The following ASH1L variants were observed in gnomAD, a reference collection of about 807,000 sequenced individuals.
The protein encoded by ASH1L is histone-lysine N-methyltransferase ASH1L.
In ASH1L, 23 loss-of-function variants were observed where a neutral mutation model predicts 269.0. That is an observed-to-expected ratio of 0.09 (90% CI 0.06 to 0.12). The LOEUF (loss-of-function observed/expected upper bound fraction) is 0.12, where lower values mean the gene tolerates loss of function less well. Ranked by LOEUF, ASH1L falls within the 10% of genes least tolerant of loss-of-function variation. The pLI is 1.00. For synonymous variants in ASH1L, 1,187 were observed against 1,253.5 expected, an observed-to-expected ratio of 0.95 and a Z score of 1.12; for missense variants, 2,912 against 3,567.8, an observed-to-expected ratio of 0.82 and a Z score of 4.68.
chr1:155,399,413 C>T (rs946581687), intron 6 of ASH1L, among the ~76,000 whole-genome samples: 6 of 152,070 alleles, frequency 3.9e-5, no homozygotes, highest in African/African-American at 9.7e-5. Context: ...GAAGTAGGGG[C>T]GGGCAGATTA....
At chr1:155,456,678 C>A (rs1242824333) in intron 4 of ASH1L, among the ~76,000 whole-genome samples, 1 of 152,018 alleles carries the variant, frequency 6.6e-6, no homozygotes, top group Non-Finnish European at 1.5e-5. Flanking sequence ...AAGTATAAAC[C>A]ACTGCTTCTA....
chr1:155,440,813 T>G (rs1056690837), intron 4 of ASH1L, among the ~76,000 whole-genome samples: 1 of 152,182 alleles, frequency 6.6e-6, no homozygotes, highest in African/African-American at 2.4e-5. Flanking sequence ...TTCACAGATT[T>G]CTCAAACTCA....
At chr1:155,451,436 T>G (rs1256324127) in intron 4 of ASH1L, among the ~76,000 whole-genome samples, 4 of 152,066 alleles carry the variant, frequency 2.6e-5, no homozygotes, top group African/African-American at 9.7e-5. Flanking sequence ...TAAATGTACT[T>G]AACACTAGTG....
intron 7 of ASH1L, among the ~76,000 whole-genome samples, chr1:155,395,215 G>A (rs920853134): frequency 1.3e-5 from 2 of 152,154 alleles, no homozygotes; most frequent in African/African-American, 4.8e-5. Flanking sequence ...TTATAGGCAT[G>A]AGCCACCATG....
intron 2 of ASH1L, among the ~76,000 whole-genome samples, chr1:155,503,043 G>T (rs961899938): frequency 2.6e-5 from 4 of 152,100 alleles, no homozygotes; most frequent in African/African-American, 9.7e-5. Flanking sequence ...ATCTGCTTTT[G>T]ATCTCCTCAG....
At chr1:155,352,372 G>A (rs1360024838) in intron 17 of ASH1L, among the ~76,000 whole-genome samples, 1 of 150,474 alleles carries the variant, frequency 6.6e-6, no homozygotes, top group Admixed American at 6.6e-5. Context: ...TGGAATAGGT[G>A]CCTCAAAATT....
chr1:155,441,541 C>A (rs1437245814), intron 4 of ASH1L, among the ~76,000 whole-genome samples: 1 of 135,860 alleles, frequency 7.4e-6, no homozygotes, highest in Non-Finnish European at 1.5e-5. Context: ...TGGCTCACTG[C>A]AAGCTCCACC....
chr1:155,450,963 T>C (rs1663417399), intron 4 of ASH1L, among the ~76,000 whole-genome samples: 2 of 151,954 alleles, frequency 1.3e-5, no homozygotes, highest in Non-Finnish European at 2.9e-5. Flanking sequence ...TTTGGGAGGC[T>C]AAGGCGGTCG....
intron 4 of ASH1L, among the ~76,000 whole-genome samples, chr1:155,457,748 A>G (rs1370292061): frequency 6.6e-6 from 1 of 152,226 alleles, no homozygotes; most frequent in African/African-American, 2.4e-5. Flanking sequence ...CTCAACAGAA[A>G]TCTAATTCAA....
intron 2 of ASH1L, among the ~76,000 whole-genome samples, chr1:155,485,774 G>A (rs1211301190): frequency 1.3e-5 from 2 of 152,010 alleles, no homozygotes; most frequent in Non-Finnish European, 2.9e-5. Context: ...CCTCAAGACC[G>A]TGGTCTCTAA....
intron 2 of ASH1L, among the ~76,000 whole-genome samples, chr1:155,486,868 AG>A (rs1408382529): frequency 2.0e-5 from 3 of 150,864 alleles, no homozygotes; most frequent in African/African-American, 4.8e-5. Context: ...AAAAAAAAAA[AG>A]AAAAAAAAAG....
rs1570990003 is a variant in ASH1L at position 155,358,969 on chromosome 1, A to T, written c.6796-1220T>A. Among the ~76,000 whole-genome samples, 4 of 151,956 alleles carry T rather than the reference A, an allele frequency of 2.6e-5. No homozygotes were observed. In the South Asian group the frequency reaches 8.3e-4, roughly 32 times the overall value. The stretch of plus-strand genomic sequence containing the variant: ...CATCTCTACAAAAAATTTAAAAAAA[A>T]ATTAGCGACGCACAGTGGTACACGC... On this transcript the variant is annotated intron_variant, in intron 13 of 27. Coordinates refer to ENST00000392403, the MANE Select transcript of ASH1L (RefSeq NM_018489.3).
chr1:155,400,085 C>T (rs144719447), intron 6 of ASH1L, among the ~76,000 whole-genome samples: 3,775 of 152,236 alleles, frequency 0.025, 91 homozygotes, highest in Non-Finnish European at 0.038. Flanking sequence ...TGGTGGCTCA[C>T]GCCTGTAATC....
intron 1 of ASH1L, among the ~76,000 whole-genome samples, chr1:155,536,138 A>T (rs1040508698): frequency 9.9e-5 from 15 of 152,194 alleles, no homozygotes; most frequent in Middle Eastern, 3.2e-3. Context: ...TCACATACCC[A>T]GGAAATGGAG....
intron 6 of ASH1L, among the ~76,000 whole-genome samples, chr1:155,401,029 T>C (rs1019085005): frequency 1.3e-5 from 2 of 151,980 alleles, no homozygotes; most frequent in Non-Finnish European, 2.9e-5. Flanking sequence ...GGCGTAGTGG[T>C]GTACGCCTCT....
chr1:155,527,111 G>C (rs903703710), intron 1 of ASH1L, among the ~76,000 whole-genome samples: 3 of 152,116 alleles, frequency 2.0e-5, no homozygotes, highest in Non-Finnish European at 4.4e-5. Flanking sequence ...AGGAGGCTGA[G>C]GCAGGAGAAT....
intron 2 of ASH1L, among the ~76,000 whole-genome samples, chr1:155,492,619 C>T (rs574750426): frequency 4.6e-5 from 7 of 151,866 alleles, no homozygotes; most frequent in Middle Eastern, 3.4e-3. Flanking sequence ...TATTCTTATT[C>T]GTATTTGGAT....
chr1:155,488,809 C>T (rs1265761043), intron 2 of ASH1L, among the ~76,000 whole-genome samples: 2 of 150,604 alleles, frequency 1.3e-5, no homozygotes, highest in Non-Finnish European at 2.9e-5. Context: ...ATCAATTAGG[C>T]ACTGAAAAAG....
intron 17 of ASH1L, among the ~76,000 whole-genome samples, chr1:155,351,110 T>C (rs1653879884): frequency 6.6e-6 from 1 of 151,134 alleles, no homozygotes; most frequent in African/African-American, 2.4e-5. Flanking sequence ...CTGGCCGTGG[T>C]GGCACACGCC....
Sources: allele counts gnomAD v4.1 joint callset (sites outside exome capture counted in the v4.1 genomes callset), GRCh38; gene constraint gnomAD v4.1.1; transcripts MANE v1.5; gene names NCBI Gene and HGNC (gene_info 2026-07-23, HGNC 2026-07-21).